Variants in ZNF644 observed in about 807,000 individuals in gnomAD.
ZNF644 encodes zinc finger protein 644, also known as zinc finger motif enhancer binding protein 2.
In ZNF644, 20 loss-of-function variants were observed where a neutral mutation model predicts 108.0. The observed-to-expected ratio is 0.19, with a 90% CI of 0.13 to 0.27. The LOEUF is 0.27. ZNF644 is among the 10% of genes least tolerant of loss of function. ZNF644 has a pLI of 1.00. For missense variants in ZNF644, 1,338 were observed against 1,548.9 expected (o/e 0.86, Z 2.29); for synonymous variants, 542 against 539.1 (o/e 1.01, Z -0.08).
In ZNF644 at chr1:91,014,616, T is replaced by C. The variant is rs144853515; in HGVS notation, c.-18+7374A>G. ...TTCTGATTAAGCCTGATTTTTTTCA[T>C]CTTAGTCACTCAGTAAAGGGCAGCA... On this transcript the variant is annotated intron_variant, in intron 1 of 5. Coordinates refer to ENST00000337393, the MANE Select transcript of ZNF644 (RefSeq NM_201269.3). 3.6e-3 allele frequency among the ~76,000 whole-genome samples: 547 copies of C among 152,270 alleles called. 3 individuals carry two copies. Among genetic ancestry groups the C allele is most frequent in the African/African-American group, 0.012 (505 of 41,530 alleles).
chr1:90,937,695 G>A lies in ZNF644; in HGVS notation c.3478C>T (p.Leu1160=). The A allele has an allele frequency of 1.2e-6, 2 of 1,613,912 alleles. No individual in the cohort carries two copies. The highest frequency in any genetic ancestry group is 2.2e-5 in the South Asian group (2 of 91,080). The change falls in exon 4 of 6, where the codon CTG becomes TTG. Residue 1160 remains leucine, a synonymous_variant. Transcript: ENST00000337393. ...GACTGATTCTTTTTCCCACTGGGCAGTTCTGGTTTTGTTTCATCATATTCA... is the reference window on the plus strand; with the variant it reads ...GACTGATTCTTTTTCCCACTGGGCAATTCTGGTTTTGTTTCATCATATTCA... ...LNEYDETKPE[L]PSGKKNQSLT...
chr1:90,939,345 T>A lies in ZNF644; in HGVS notation c.2009A>T (p.Gln670Leu), dbSNP rs747501906. Residue 670 changes from glutamine to leucine, a missense_variant, in exon 3 of 6, where the codon CAA becomes CTA. Physicochemically the swap from Gln to Leu is moderately radical, Grantham distance 113 (BLOSUM62 -2). This residue lies in a region of ZNF644 where 462 missense variants were observed against 472.6 expected (regional missense o/e 0.98). Transcript: ENST00000337393. Reference sequence around the variant, plus strand: ...ATGAATTTTTGAAAAACTACTTGATTGTGAGGTTGATCCAAATGTTCGCTT... The same window carrying A: ...ATGAATTTTTGAAAAACTACTTGATAGTGAGGTTGATCCAAATGTTCGCTT... The part of the protein sequence containing the change: ...DVKRTFGSTS[Q>L]SSSFSKIHKR... 6.2e-7 allele frequency: 1 copy of A among 1,614,062 alleles called. No homozygotes were observed. The highest frequency in any genetic ancestry group is 8.5e-7 in the Non-Finnish European group (1 of 1,179,948).
intron 2 of ZNF644, among the ~76,000 whole-genome samples, chr1:90,967,348 CTG>C (rs1655010664): frequency 6.6e-6 from 1 of 152,224 alleles, no homozygotes; most frequent in Non-Finnish European, 1.5e-5. Context: ...TCAACCCACT[CTG>C]TGTCAAGTTC....
At chr1:91,001,734 A>G (rs372374628) in intron 1 of ZNF644, among the ~76,000 whole-genome samples, 5 of 152,198 alleles carry the variant, frequency 3.3e-5, no homozygotes, top group African/African-American at 7.2e-5. Context: ...TAGGAAAAGA[A>G]GAAGTCAAAT....
At chr1:90,919,231 A>C (rs1464347530) in intron 4 of ZNF644, among the ~76,000 whole-genome samples, 2 of 152,096 alleles carry the variant, frequency 1.3e-5, no homozygotes, top group African/African-American at 4.8e-5. Flanking sequence ...GAAGGTAAGA[A>C]TTTATCTGTA....
intron 1 of ZNF644, among the ~76,000 whole-genome samples, chr1:91,001,107 C>G (rs560303724): frequency 9.9e-5 from 15 of 152,156 alleles, no homozygotes; most frequent in African/African-American, 4.8e-5. Flanking sequence ...ACCAGAGGTA[C>G]AAGGAGGAGC....
intron 1 of ZNF644, among the ~76,000 whole-genome samples, chr1:91,019,332 T>A (rs1205105496): frequency 6.6e-6 from 1 of 152,248 alleles, no homozygotes; most frequent in African/African-American, 2.4e-5. Flanking sequence ...TGATCTCATT[T>A]CTTTTCCTAC....
At chr1:91,008,406 G>A (rs1659641999) in intron 1 of ZNF644, among the ~76,000 whole-genome samples, 1 of 152,156 alleles carries the variant, frequency 6.6e-6, no homozygotes, top group African/African-American at 2.4e-5. Context: ...ACTGACAGCA[G>A]AAGGTTCAGC....
At chr1:90,933,513 A>C (rs750859592) in intron 4 of ZNF644, among the ~76,000 whole-genome samples, 3 of 151,930 alleles carry the variant, frequency 2.0e-5, no homozygotes, top group Admixed American at 6.6e-5. Flanking sequence ...AATACAAAAA[A>C]ATTTGCCAGG....
chr1:90,947,199 C>G (rs1652605543), intron 2 of ZNF644, among the ~76,000 whole-genome samples: 1 of 152,236 alleles, frequency 6.6e-6, no homozygotes, highest in Admixed American at 6.5e-5. Context: ...CAGCTGCAAC[C>G]AAAGGAGAGT....
Position 90,940,164 on chromosome 1 carries a change from T to G in ZNF644, c.1190A>C (p.Glu397Ala), listed in dbSNP as rs995450757. Residue 397 changes from glutamate (E) to alanine (A), a missense_variant, in exon 3 of 6, where the codon GAG becomes GCG. Coordinates refer to ENST00000337393, the MANE Select transcript of ZNF644 (RefSeq NM_201269.3). ...TTCGGTACTGAAAGTAGCAGGTGAC[T>G]CAGAATCACTCTCTTCACATTTCTT... ...LKKKCEESDSESPATFSTEEP... is the reference protein window; with the variant it reads ...LKKKCEESDSASPATFSTEEP... 9 of 1,613,986 alleles carry G rather than the reference T, an allele frequency of 5.6e-6. No homozygotes were observed. Among genetic ancestry groups the G allele is most frequent in the Middle Eastern group, 1.6e-4 (1 of 6,062 alleles).
chr1:91,002,660 A>G (rs1219475094), intron 1 of ZNF644, among the ~76,000 whole-genome samples: 1 of 152,194 alleles, frequency 6.6e-6, no homozygotes, highest in Non-Finnish European at 1.5e-5. Flanking sequence ...AATGGCAACA[A>G]AAGCCAAAAT....
In ZNF644 at chr1:90,939,601, T is replaced by G. The variant is rs778682876; in HGVS notation, c.1753A>C (p.Thr585Pro). The change falls in exon 3 of 6, where the codon ACC becomes CCC. Residue 585 changes from threonine to proline, a missense_variant. Coordinates refer to ENST00000337393, the MANE Select transcript of ZNF644 (RefSeq NM_201269.3). ...SVVGSSKKSA[T>P]YICKMCPFTT... ...AAAGGACACATCTTACATATGTAGG[T>G]AGCTGATTTTTTGGATGATCCTACT... is the stretch of plus-strand genomic sequence containing the variant. 1 of 1,613,876 alleles carries G rather than the reference T, an allele frequency of 6.2e-7. No individual in the cohort carries two copies. The highest frequency in any genetic ancestry group is 1.3e-5 in the African/African-American group (1 of 74,898).
intron 1 of ZNF644, among the ~76,000 whole-genome samples, chr1:90,985,271 T>C (rs368845072): frequency 6.6e-6 from 1 of 152,228 alleles, no homozygotes; most frequent in South Asian, 2.1e-4. Flanking sequence ...GATTAATTCA[T>C]GCTAATTAAC....
intron 1 of ZNF644, among the ~76,000 whole-genome samples, chr1:91,004,954 C>A (rs1659269761): frequency 6.6e-6 from 1 of 151,836 alleles, no homozygotes; most frequent in South Asian, 2.1e-4. Context: ...ACATAGAAAA[C>A]AAAGAGCAAA....
At chr1:90,993,504 G>T (rs1343208890) in intron 1 of ZNF644, among the ~76,000 whole-genome samples, 1 of 152,142 alleles carries the variant, frequency 6.6e-6, no homozygotes, top group Non-Finnish European at 1.5e-5. Context: ...AAATCACCAA[G>T]TTTCAAAGTA....
chr1:90,948,445 T>C (rs1429745907), intron 2 of ZNF644, among the ~76,000 whole-genome samples: 1 of 152,218 alleles, frequency 6.6e-6, no homozygotes, highest in African/African-American at 2.4e-5. Context: ...CCTTAACAGA[T>C]TGTTAATGCG....
At chr1:90,934,404 G>C (rs1651098149) in intron 4 of ZNF644, among the ~76,000 whole-genome samples, 1 of 152,118 alleles carries the variant, frequency 6.6e-6, no homozygotes, top group East Asian at 1.9e-4. Flanking sequence ...ATCTAAAAAA[G>C]AGCAAGAGAA....
chr1:91,014,634 G>C (rs1042852401), intron 1 of ZNF644, among the ~76,000 whole-genome samples: 1 of 151,990 alleles, frequency 6.6e-6, no homozygotes, highest in African/African-American at 2.4e-5. Context: ...ACTCAGTAAA[G>C]GGCAGCATCC....
Sources: allele counts gnomAD v4.1 joint callset (sites outside exome capture counted in the v4.1 genomes callset), GRCh38; gene constraint gnomAD v4.1.1; regional missense constraint gnomAD v4.1.1; transcripts MANE v1.5; gene names NCBI Gene and HGNC (gene_info 2026-07-23, HGNC 2026-07-21).